NINJ2: variants seen among roughly 807,000 people sequenced by gnomAD.
NINJ2 encodes the protein ninjurin-2.
A neutral mutation model predicts 11.7 loss-of-function variants in NINJ2; 12 were observed. That is an observed-to-expected ratio of 1.02 (90% confidence interval 0.66 to 1.66). NINJ2 has a LOEUF of 1.66. Among genes scored for constraint, NINJ2 ranks in the 40% most tolerant of loss-of-function variants. The probability of loss-of-function intolerance (pLI) is 0.00; values close to 1 mark genes in which losing one functional copy is unlikely to be tolerated. For missense variants in NINJ2, 187 were observed against 181.8 expected (o/e 1.03, Z -0.16); for synonymous variants, 93 against 76.8 (o/e 1.21, Z -1.10).
chr12:643,505 C>T, intron 1 of NINJ2: 1 of 988,202 alleles, frequency 1.0e-6, no homozygotes, highest in Non-Finnish European at 1.2e-6. Context: ...GTCCCTGGAA[C>T]TGTACCTCAT....
intron 1 of NINJ2, chr12:641,031 G>C (rs1482317916): frequency 6.6e-6 from 1 of 152,162 alleles, no homozygotes; most frequent in Non-Finnish European, 1.5e-5. Flanking sequence ...TAAGGTATGG[G>C]TCCTCCAGGC....
intron 1 of NINJ2, among the ~76,000 whole-genome samples, chr12:631,707 T>C (rs1423594677): frequency 6.6e-6 from 1 of 152,212 alleles, no homozygotes; most frequent in East Asian, 1.9e-4. Context: ...AATGCAAAGA[T>C]TGTCCCTGTG....
intron 1 of NINJ2, among the ~76,000 whole-genome samples, chr12:568,700 C>T (rs557851803): frequency 2.6e-5 from 4 of 152,330 alleles, no homozygotes; most frequent in Admixed American, 6.5e-5. Context: ...ATTGAGATTC[C>T]GAGTGTCCTC....
In NINJ2 at chr12:581,534, C is replaced by T. The variant is rs139732656; in HGVS notation, c.34-15356G>A. On this transcript the variant is annotated intron_variant, in intron 1 of 3. Transcript: ENST00000305108. The surrounding 1 kb of genome is among the most constrained non-coding windows in gnomAD (Gnocchi z 4.9). ...AGCAGGTCCAGCCTGGATCCTCATA[C>T]CGGGGCTCTCCTGTCCTTCCTCAGG... Among the ~76,000 whole-genome samples, 1 of 152,312 alleles carries T rather than the reference C, an allele frequency of 6.6e-6. No individual in the cohort carries two copies. The highest frequency in any genetic ancestry group is 1.5e-5 in the Non-Finnish European group (1 of 68,028).
chr12:611,315 C>G (rs1027490967), intron 1 of NINJ2, among the ~76,000 whole-genome samples: 3 of 149,726 alleles, frequency 2.0e-5, no homozygotes, highest in Non-Finnish European at 4.4e-5. Flanking sequence ...TTCTTTCTCT[C>G]TCTCTCTCTT....
At position 611,211 on chromosome 12, in the gene NINJ2, CTCTT is replaced by C. The variant is rs752433292; in HGVS notation, c.34-45037_34-45034del. Among the ~76,000 whole-genome samples the C allele has an allele frequency of 2.3e-3, 340 of 149,052 alleles. 3 individuals carry two copies. Among genetic ancestry groups the C allele is most frequent in the African/African-American group, 5.9e-3 (241 of 40,570 alleles). ...CCTCCTTTTCTTTCTTTTTCTTTCC[CTCTT>C]TCTTTCTTTCTTTTTCTTTCTTTCT... On this transcript the variant is annotated intron_variant, in intron 1 of 3. Coordinates refer to ENST00000305108, the MANE Select transcript of NINJ2 (RefSeq NM_016533.6).
intron 1 of NINJ2, among the ~76,000 whole-genome samples, chr12:576,223 G>A (rs1947457457): frequency 6.6e-6 from 1 of 152,198 alleles, no homozygotes; most frequent in Non-Finnish European, 1.5e-5. Flanking sequence ...GCAGCACCGA[G>A]AGGCCACGTG....
intron 1 of NINJ2, among the ~76,000 whole-genome samples, chr12:619,695 T>C (rs1035342808): frequency 2.6e-5 from 4 of 152,180 alleles, no homozygotes; most frequent in Admixed American, 2.6e-4. Context: ...GGGTTTAGAA[T>C]GATTCCTTGG....
At chr12:623,401 T>A (rs994087905) in intron 1 of NINJ2, among the ~76,000 whole-genome samples, 3 of 152,186 alleles carry the variant, frequency 2.0e-5, no homozygotes, top group African/African-American at 7.2e-5. Context: ...TTCCCCAGGG[T>A]TCCTGCCCCG....
intron 2 of NINJ2, chr12:565,684 T>A: frequency 3.2e-6 from 2 of 615,522 alleles, no homozygotes; most frequent in Non-Finnish European, 2.9e-6. Flanking sequence ...GTGAGTGAGT[T>A]AGCAGTTAGC....
chr12:586,444 C>A (rs1854307726), intron 1 of NINJ2: 1 of 152,298 alleles, frequency 6.6e-6, no homozygotes, highest in Admixed American at 6.5e-5. Context: ...ATGGTGTCAA[C>A]AAGACCAGAG....
rs192841627 is a variant in NINJ2 at position 639,186 on chromosome 12, T to A, written c.33+24142A>T. 2.9e-3 allele frequency among the ~76,000 whole-genome samples: 443 copies of A among 152,234 alleles called. 4 individuals carry two copies. Among genetic ancestry groups the A allele is most frequent in the Non-Finnish European group, 3.9e-3 (268 of 68,018 alleles). On this transcript the variant is annotated intron_variant, in intron 1 of 3. Transcript: ENST00000305108. ...CGTGTGGCAGAACTCAGTAATTTCC[T>A]GTATTTTCCCTTTCAAAAAGAACTG...
intron 1 of NINJ2, among the ~76,000 whole-genome samples, chr12:569,336 T>C (rs1025426220): frequency 5.9e-5 from 9 of 152,248 alleles, no homozygotes; most frequent in African/African-American, 1.9e-4. Context: ...TTGGTGAAGG[T>C]TTGTCCTCGG....
At chr12:567,747 C>T (rs1037056520) in intron 1 of NINJ2, among the ~76,000 whole-genome samples, 6 of 152,090 alleles carry the variant, frequency 3.9e-5, no homozygotes, top group African/African-American at 1.2e-4. Flanking sequence ...GGCTCATGCC[C>T]GTAACTCCAG....
chr12:610,282 A>C, intron 1 of NINJ2: 1 of 1,378,428 alleles, frequency 7.3e-7, no homozygotes, highest in Non-Finnish European at 1.0e-6. Flanking sequence ...TCACCTGCCC[A>C]GTCCCCAGTG....
chr12:568,517 C>T (rs1303049271), intron 1 of NINJ2, among the ~76,000 whole-genome samples: 1 of 152,214 alleles, frequency 6.6e-6, no homozygotes, highest in Admixed American at 6.5e-5. Context: ...GCTAACAGCA[C>T]CTGCTCTGAT....
chr12:647,682 T>C (rs1297553842), intron 1 of NINJ2, among the ~76,000 whole-genome samples: 1 of 152,182 alleles, frequency 6.6e-6, no homozygotes, highest in African/African-American at 2.4e-5. Flanking sequence ...CTCCCATACA[T>C]CAGTCACTTA....
intron 1 of NINJ2, among the ~76,000 whole-genome samples, chr12:604,408 C>T (rs1476396771): frequency 3.3e-5 from 5 of 152,084 alleles, no homozygotes; most frequent in Non-Finnish European, 5.9e-5. Context: ...GAGGCTGAGG[C>T]GGGCGGATCA....
At chr12:613,000 G>C (rs1025117621) in intron 1 of NINJ2, among the ~76,000 whole-genome samples, 1 of 152,142 alleles carries the variant, frequency 6.6e-6, no homozygotes, top group Non-Finnish European at 1.5e-5. Context: ...GGGTGAAAGG[G>C]ACAAAAGGCA....
Sources: allele counts gnomAD v4.1 joint callset (sites outside exome capture counted in the v4.1 genomes callset), GRCh38; gene constraint gnomAD v4.1.1; non-coding constraint Gnocchi (gnomAD v3.1); transcripts MANE v1.5; gene names NCBI Gene and HGNC (gene_info 2026-07-23, HGNC 2026-07-21).